The following LRP5 variants were observed in gnomAD, a reference collection of about 807,000 sequenced individuals.
LRP5 encodes low-density lipoprotein receptor-related protein 5.
In LRP5, 62 loss-of-function variants were observed where a neutral mutation model predicts 154.1. The ratio of observed to expected loss-of-function variants is 0.40; its 90% CI spans 0.33 to 0.50. The LOEUF (loss-of-function observed/expected upper bound fraction) is 0.50, where lower values mean the gene tolerates loss of function less well. Ranked by LOEUF, LRP5 falls within the 20% of genes least tolerant of loss-of-function variation. The pLI is 0.55. For synonymous variants in LRP5, 966 were observed against 1,011.5 expected, an observed-to-expected ratio of 0.96 and a Z score of 0.85; for missense variants, 1,915 against 2,336.7, an observed-to-expected ratio of 0.82 and a Z score of 3.72.
chr11:68,428,378 C>G (rs1301207983), intron 16 of LRP5, among the ~76,000 whole-genome samples: 1 of 152,128 alleles, frequency 6.6e-6, no homozygotes, highest in Non-Finnish European at 1.5e-5. Flanking sequence ...CTTAAAGCAA[C>G]AGAAATGGAT....
In LRP5 at chr11:68,337,495, C is replaced by G. The variant is rs117794806; in HGVS notation, c.92-10352C>G. 8.5e-5 allele frequency among the ~76,000 whole-genome samples: 13 copies of G among 152,298 alleles called. No individual in the cohort carries two copies. The East Asian group carries it at 2.3e-3, about 27-fold the overall frequency. Reference sequence around the variant, plus strand: ...CAGGCCTGGGCATGCTCAACATTCACCAAGTCATGTTTGTTTTTCAATGCT... The same window carrying G: ...CAGGCCTGGGCATGCTCAACATTCAGCAAGTCATGTTTGTTTTTCAATGCT... On this transcript the variant is annotated intron_variant, in intron 1 of 22. Coordinates refer to ENST00000294304, the MANE Select transcript of LRP5 (RefSeq NM_002335.4).
rs542005450 is a variant in LRP5 at position 68,332,654 on chromosome 11, G to A, written c.92-15193G>A. Among the ~76,000 whole-genome samples, 3 of 152,368 alleles carry A rather than the reference G, an allele frequency of 2.0e-5. No homozygotes were observed. In the East Asian group the frequency reaches 5.8e-4, roughly 29 times the overall value. ...GGTGGGAATGGCTGGAGGCATGGAGGTGGTCAGGGTGGAGTCTACGGGAGA... is the reference window on the plus strand; with the variant it reads ...GGTGGGAATGGCTGGAGGCATGGAGATGGTCAGGGTGGAGTCTACGGGAGA... On this transcript the variant is annotated intron_variant, in intron 1 of 22. Transcript: ENST00000294304.
At position 68,449,266 on chromosome 11, in the gene LRP5, TA is replaced by T; in HGVS notation, c.*200del. 2.3e-6 allele frequency: 1 copy of T among 437,118 alleles called. No homozygotes were observed. Among genetic ancestry groups the T allele is most frequent in the Non-Finnish European group, 3.9e-6 (1 of 258,912 alleles). The allele number at this position is 437,118 out of a possible 1,614,324, so 27.1% of individuals were successfully genotyped here. ...AGAAATATTTATAAACTTAATTTTGTAAAACAGAACTGCCATTCTTTCGTGC... is the reference window on the plus strand; with the variant it reads ...AGAAATATTTATAAACTTAATTTTGTAAACAGAACTGCCATTCTTTCGTGC... On this transcript the variant is annotated 3_prime_UTR_variant, in exon 23 of 23. Transcript: ENST00000294304.
chr11:68,414,859 G>C (rs1210444398), intron 12 of LRP5, among the ~76,000 whole-genome samples: 5 of 152,228 alleles, frequency 3.3e-5, no homozygotes, highest in Admixed American at 2.0e-4. Flanking sequence ...CAGGAGATGG[G>C]CCTGGGCCAG....
chr11:68,439,253 C>A (rs1246609330), intron 20 of LRP5, among the ~76,000 whole-genome samples: 1 of 152,210 alleles, frequency 6.6e-6, no homozygotes, highest in Admixed American at 6.5e-5. Context: ...GGTGCCCCCA[C>A]AGCTCCAGGC....
intron 1 of LRP5, among the ~76,000 whole-genome samples, chr11:68,329,731 G>T (rs1167001567): frequency 6.6e-6 from 1 of 152,078 alleles, no homozygotes; most frequent in Non-Finnish European, 1.5e-5. Context: ...CAAGGAGAGG[G>T]TGATGACTGC....
intron 13 of LRP5, among the ~76,000 whole-genome samples, chr11:68,419,838 G>A (rs993004261): frequency 6.6e-6 from 1 of 150,844 alleles, no homozygotes; most frequent in African/African-American, 2.4e-5. Flanking sequence ...CACCGTGCCC[G>A]GCCTTTTTTT....
intron 1 of LRP5, among the ~76,000 whole-genome samples, chr11:68,314,550 AT>A (rs1406909983): frequency 6.6e-6 from 1 of 152,148 alleles, no homozygotes; most frequent in African/African-American, 2.4e-5. Context: ...GCCGCTAATT[AT>A]TTTTCCTGAT....
At chr11:68,332,389 C>A (rs1278987485) in intron 1 of LRP5, among the ~76,000 whole-genome samples, 1 of 152,242 alleles carries the variant, frequency 6.6e-6, no homozygotes, top group Non-Finnish European at 1.5e-5. Flanking sequence ...AGCACCCGGG[C>A]CTTGCTCTGC....
rs77092592 is a variant in LRP5, at chr11:68,359,804, T to G, written c.686+1957T>G. ...TTTGTTTGTTTGTTTTTTTTTTTTT[T>G]GGGATGGAGTCTTGCTCTGTCCCCC... On this transcript the variant is annotated intron_variant, in intron 3 of 22. Coordinates refer to ENST00000294304, the MANE Select transcript of LRP5 (RefSeq NM_002335.4). Among the ~76,000 whole-genome samples the G allele has an allele frequency of 1.0e-2, 1,497 of 150,372 alleles. 17 individuals carry two copies. Among genetic ancestry groups the G allele is most frequent in the African/African-American group, 0.034 (1,351 of 40,294 alleles).
In LRP5 at chr11:68,347,876, C is replaced by A. The variant is rs745454417; in HGVS notation, c.121C>A (p.Arg41=). 5 of 1,613,656 alleles carry A rather than the reference C, an allele frequency of 3.1e-6. No individual in the cohort carries two copies. The East Asian group carries it at 8.9e-5, about 29-fold the overall frequency. Residue 41 remains arginine, a synonymous_variant, in exon 2 of 23, where the codon CGG becomes AGG. Transcript: ENST00000294304. The part of the protein sequence containing the change: ...ASPLLLFANR[R]DVRLVDAGGV... ...GCCGCTCCTGCTATTTGCCAACCGC[C>A]GGGACGTACGGCTGGTGGACGCCGG...
Position 68,353,340 on chromosome 11 carries a change from G to A in LRP5, c.489-4310G>A, listed in dbSNP as rs754013764. On this transcript the variant is annotated intron_variant, in intron 2 of 22. Transcript: ENST00000294304. This position sits in a 1 kb window ranked among gnomAD's most constrained non-coding sequence, Gnocchi z 4.5. Reference sequence around the variant, plus strand: ...AATGAGAGAGTGAAAACAGTGAGATGCCGGCTCCCACTCATCAGATCCAGT... The same window carrying A: ...AATGAGAGAGTGAAAACAGTGAGATACCGGCTCCCACTCATCAGATCCAGT... Among the ~76,000 whole-genome samples, 10 of 152,146 alleles carry A rather than the reference G, an allele frequency of 6.6e-5. No homozygotes were observed. Among genetic ancestry groups the A allele is most frequent in the Admixed American group, 1.3e-4 (2 of 15,284 alleles).
intron 18 of LRP5, among the ~76,000 whole-genome samples, chr11:68,436,607 C>T (rs2098675097): frequency 6.6e-6 from 1 of 152,112 alleles, no homozygotes; most frequent in South Asian, 2.1e-4. Flanking sequence ...CCTTGCATGG[C>T]GTAGACCTCC....
At chr11:68,421,578 C>T (rs1362373086) in intron 13 of LRP5, among the ~76,000 whole-genome samples, 1 of 152,076 alleles carries the variant, frequency 6.6e-6, no homozygotes, top group Non-Finnish European at 1.5e-5. Context: ...ACACATGGCC[C>T]CCTAGGGTCC....
intron 1 of LRP5, among the ~76,000 whole-genome samples, chr11:68,317,335 C>G (rs970843988): frequency 6.6e-6 from 1 of 152,246 alleles, no homozygotes; most frequent in African/African-American, 2.4e-5. Context: ...AAGCTCCTGC[C>G]CTGGGGCATC....
chr11:68,395,040 C>T (rs763105388), intron 7 of LRP5, among the ~76,000 whole-genome samples: 3 of 152,138 alleles, frequency 2.0e-5, no homozygotes, highest in Non-Finnish European at 2.9e-5. Context: ...GTGGCTTACG[C>T]CTGTAATCCC....
chr11:68,351,056 G>T (rs527267930), intron 2 of LRP5, among the ~76,000 whole-genome samples: 1 of 152,200 alleles, frequency 6.6e-6, no homozygotes, highest in Non-Finnish European at 1.5e-5. Context: ...GAGTATGTGC[G>T]CGAGAGTGTC....
chr11:68,366,966 C>T (rs560089995), intron 5 of LRP5, among the ~76,000 whole-genome samples: 3 of 113,100 alleles, frequency 2.7e-5, no homozygotes, highest in Admixed American at 1.4e-4. Context: ...GACAGAATCC[C>T]GGGCCTCTGG....
chr11:68,338,875 T>TG (rs1198915868), intron 1 of LRP5, among the ~76,000 whole-genome samples: 3 of 137,486 alleles, frequency 2.2e-5, no homozygotes, highest in South Asian at 2.5e-4. Flanking sequence ...TAGTTTTTTT[T>TG]TTTTTTTTTT....
Sources: allele counts gnomAD v4.1 joint callset (sites outside exome capture counted in the v4.1 genomes callset), GRCh38; gene constraint gnomAD v4.1.1; non-coding constraint Gnocchi (gnomAD v3.1); transcripts MANE v1.5; gene names NCBI Gene and HGNC (gene_info 2026-07-23, HGNC 2026-07-21).